Variants in MDN1 observed in about 807,000 individuals in gnomAD.
MDN1 encodes midasin AAA ATPase 1.
Under a neutral mutation model 669.2 loss-of-function variants are expected in MDN1, and 266 were observed. That is an observed-to-expected ratio of 0.40 (90% CI 0.36 to 0.44). The LOEUF is 0.44. Ranked by LOEUF, MDN1 falls within the 20% of genes least tolerant of loss-of-function variation. The pLI is 1.00. For missense variants in MDN1, 5,940 were observed against 6,754.0 expected (o/e 0.88, Z 4.22); for synonymous variants, 2,385 against 2,457.1 (o/e 0.97, Z 0.87).
rs544924806 is a variant in MDN1, at chr6:89,713,912, C to T, written c.7070-616G>A. Among the ~76,000 whole-genome samples, 5 of 151,850 alleles carry T rather than the reference C, an allele frequency of 3.3e-5. No individual in the cohort carries two copies. The East Asian group carries it at 9.7e-4, about 29-fold the overall frequency. ...AATTAGCCGGGCGTGGTGGCAGGTG[C>T]CTGTAGTCCCAGCTACTCGGAGAGG... On this transcript the variant is annotated intron_variant, in intron 46 of 101. Coordinates refer to ENST00000369393, the MANE Select transcript of MDN1 (RefSeq NM_014611.3).
At chr6:89,649,660 T>C (rs1808718609) in intron 97 of MDN1, among the ~76,000 whole-genome samples, 1 of 152,224 alleles carries the variant, frequency 6.6e-6, no homozygotes, top group Non-Finnish European at 1.5e-5. Context: ...CTTTGATTTT[T>C]TTTTTAAGAG....
chr6:89,746,611 A>AAAGAAAGAAAGAAAGAAAG (rs1554191095), intron 27 of MDN1, among the ~76,000 whole-genome samples: 7 of 40,544 alleles, frequency 1.7e-4, no homozygotes, highest in African/African-American at 5.4e-4. Flanking sequence ...AAAAAAAAAA[A>AAAGAAAGAAAGAAAGAAAG]AAAGAAAGAA....
At position 89,678,530 on chromosome 6, in the gene MDN1, T is replaced by C. The variant is rs542888025; in HGVS notation, c.12412+69A>G. 9.1e-6 allele frequency: 14 copies of C among 1,541,884 alleles called. No homozygotes were observed. In the South Asian group the frequency reaches 1.1e-4, roughly 12 times the overall value. Reference sequence around the variant, plus strand: ...ACTGTCTATGGAATTTCCCCCAAAATCAGTCATGTCATTTCTCTCCCTAAA... The same window carrying C: ...ACTGTCTATGGAATTTCCCCCAAAACCAGTCATGTCATTTCTCTCCCTAAA... On this transcript the variant is annotated intron_variant, in intron 75 of 101. Coordinates refer to ENST00000369393, the MANE Select transcript of MDN1 (RefSeq NM_014611.3).
At chr6:89,665,375 T>C (rs553198996) in intron 84 of MDN1, among the ~76,000 whole-genome samples, 1 of 152,160 alleles carries the variant, frequency 6.6e-6, no homozygotes, top group African/African-American at 2.4e-5. Context: ...GGCAAAAAGT[T>C]TTGTGATTGT....
At position 89,794,113 on chromosome 6, in the gene MDN1, G is replaced by T; in HGVS notation, c.649C>A (p.His217Asn). 2 of 1,580,572 alleles carry T rather than the reference G, an allele frequency of 1.3e-6. No homozygotes were observed. Among genetic ancestry groups the T allele is most frequent in the Non-Finnish European group, 1.7e-6 (2 of 1,164,576 alleles). The stretch of plus-strand genomic sequence containing the variant: ...GTTCCTGCTTACCTCAACCTGAAAT[G>T]GATCAATTCATCACTATTAAATATC... The part of the protein sequence containing the change: ...KKIFNSDELI[H>N]FRLRLLEEAQ... Residue 217 changes from histidine (H) to asparagine (N), a missense_variant, in exon 4 of 102, where the codon CAT becomes AAT. This residue lies in a region of MDN1 where 1,203 missense variants were observed against 1,268.9 expected (regional missense o/e 0.95). Coordinates refer to ENST00000369393, the MANE Select transcript of MDN1 (RefSeq NM_014611.3).
At chr6:89,736,902 T>C (rs547559513) in intron 33 of MDN1, among the ~76,000 whole-genome samples, 2 of 152,306 alleles carry the variant, frequency 1.3e-5, no homozygotes, top group East Asian at 3.9e-4. Flanking sequence ...GTTCTGAGGC[T>C]CTGAGCCTGG....
At chr6:89,696,277 A>T in intron 60 of MDN1, 83 bp downstream of exon 60, 1 of 1,409,128 alleles carries the variant, frequency 7.1e-7, no homozygotes, top group Non-Finnish European at 9.9e-7. Context: ...GCCACTACAG[A>T]AGGAAGTTCT....
chr6:89,809,684 G>C (rs1212247874), intron 1 of MDN1, among the ~76,000 whole-genome samples: 1 of 151,650 alleles, frequency 6.6e-6, no homozygotes, highest in Admixed American at 6.6e-5. Flanking sequence ...GCTGAGGCAG[G>C]AGAATCGCTT....
chr6:89,658,747 C>T lies in MDN1; in HGVS notation c.14884G>A (p.Asp4962Asn), dbSNP rs1809510707. ...TGAGCAGCATCTCCATCTTGGTCAT[C>T]AGCTCCTGTGTCCATTTCCTCTTCC... ...EGEEEMDTGADDQDGDAAQHP... is the reference protein window; with the variant it reads ...EGEEEMDTGANDQDGDAAQHP... The change falls in exon 89 of 102, where the codon GAT (aspartate) becomes AAT (asparagine). Residue 4962 changes from aspartate (D) to asparagine (N), a missense_variant. This residue lies in a region of MDN1 where 2,280 missense variants were observed against 2,576.3 expected (regional missense o/e 0.88). Transcript: ENST00000369393. 6.2e-7 allele frequency: 1 copy of T among 1,614,184 alleles called. No homozygotes were observed. The highest frequency in any genetic ancestry group is 8.5e-7 in the Non-Finnish European group (1 of 1,180,030).
rs1809746274 is a variant in MDN1 at position 89,661,318 on chromosome 6, A to G, written c.14713+113T>C. On this transcript the variant is annotated intron_variant, in intron 88 of 101. Transcript: ENST00000369393. ...ATTTTCTCAGACTGGGATTGAGCCTACCAAACGTGATTTATCACCTGGCCA... is the reference window on the plus strand; with the variant it reads ...ATTTTCTCAGACTGGGATTGAGCCTGCCAAACGTGATTTATCACCTGGCCA... 3.2e-6 allele frequency: 4 copies of G among 1,241,922 alleles called. No homozygotes were observed. In the Admixed American group the frequency reaches 6.8e-5, roughly 21 times the overall value. The allele number at this position is 1,241,922 out of a possible 1,614,324, so 76.9% of individuals were successfully genotyped here.
chr6:89,695,670 G>A lies in MDN1; in HGVS notation c.9706C>T (p.Leu3236Phe). The A allele has an allele frequency of 6.2e-7, 1 of 1,613,462 alleles. No homozygotes were observed. Among genetic ancestry groups the A allele is most frequent in the Middle Eastern group, 1.7e-4 (1 of 6,056 alleles). Residue 3236 changes from leucine (L) to phenylalanine (F), a missense_variant, in exon 61 of 102, where the codon CTT (leucine) becomes TTT (phenylalanine). By Grantham distance (22) the Leu-to-Phe change is conservative. This residue lies in a region of MDN1 where 2,292 missense variants were observed against 2,638.3 expected (regional missense o/e 0.87). Coordinates refer to ENST00000369393, the MANE Select transcript of MDN1 (RefSeq NM_014611.3). This position sits in a 1 kb window ranked among gnomAD's most constrained non-coding sequence, Gnocchi z 4.1. ...SLGLLQIQTW[L>F]PQARFDPAVK... ...GCAGGGTCAAAGCGTGCCTGGGGAAGCCATGTCTGAATCTGGAGCAAGCCG... is the reference window on the plus strand; with the variant it reads ...GCAGGGTCAAAGCGTGCCTGGGGAAACCATGTCTGAATCTGGAGCAAGCCG...
intron 19 of MDN1, among the ~76,000 whole-genome samples, chr6:89,757,026 CCCT>C (rs1482632164): frequency 6.6e-6 from 1 of 151,996 alleles, no homozygotes; most frequent in African/African-American, 2.4e-5. Context: ...AAAACAAGCC[CCCT>C]CATCATCAAA....
intron 101 of MDN1, among the ~76,000 whole-genome samples, 176 bp from the exon 102 acceptor site, chr6:89,644,369 T>C (rs768720142): frequency 5.9e-5 from 9 of 151,860 alleles, no homozygotes; most frequent in Admixed American, 5.9e-4. Context: ...AAGAAGGAGG[T>C]AGATGTCTTT....
chr6:89,686,649 C>T (rs186559300), intron 69 of MDN1, among the ~76,000 whole-genome samples: 1 of 152,330 alleles, frequency 6.6e-6, no homozygotes, highest in East Asian at 1.9e-4. Context: ...AAACCTTATC[C>T]TACGACTGGT....
chr6:89,706,322 A>T (rs1813509863), intron 52 of MDN1, 130 bp from the exon 53 acceptor site: 4 of 919,632 alleles, frequency 4.3e-6, no homozygotes, highest in Non-Finnish European at 6.2e-6. Flanking sequence ...TGAGAGCAAA[A>T]GCAAAAGCAA....
intron 57 of MDN1, 128 bp downstream of exon 57, chr6:89,699,935 G>T: frequency 8.8e-7 from 1 of 1,133,046 alleles, no homozygotes; most frequent in Non-Finnish European, 1.2e-6. Flanking sequence ...TTTCCAAAGT[G>T]GCAAATCACT....
intron 1 of MDN1, among the ~76,000 whole-genome samples, chr6:89,809,640 A>G (rs1768247737): frequency 1.3e-5 from 2 of 151,496 alleles, no homozygotes; most frequent in South Asian, 4.2e-4. Context: ...GCCGGGCATT[A>G]TGGCATATAC....
At chr6:89,812,594 ACT>A (rs1396803879) in intron 1 of MDN1, among the ~76,000 whole-genome samples, 2 of 152,154 alleles carry the variant, frequency 1.3e-5, no homozygotes, top group African/African-American at 4.8e-5. Flanking sequence ...AAATTACTAC[ACT>A]GTCATATTCA....
chr6:89,758,881 T>C lies in MDN1; in HGVS notation c.2540A>G (p.Glu847Gly), dbSNP rs1817393664. Residue 847 changes from glutamate (E) to glycine (G), a missense_variant, in exon 18 of 102, where the codon GAA (glutamate) becomes GGA (glycine). Coordinates refer to ENST00000369393, the MANE Select transcript of MDN1 (RefSeq NM_014611.3). The part of the protein sequence containing the change: ...EINLAAPEIL[E>G]CLSGLLEGSS... ...TCCTTCAAGCAAACCACTCAGACAT[T>C]CTAGTATTTCTGGAGCAGCCAAGTT... is the stretch of plus-strand genomic sequence containing the variant. 1 of 1,613,936 alleles carries C rather than the reference T, an allele frequency of 6.2e-7. No homozygotes were observed. Among genetic ancestry groups the C allele is most frequent in the Non-Finnish European group, 8.5e-7 (1 of 1,179,984 alleles).
Sources: allele counts gnomAD v4.1 joint callset (sites outside exome capture counted in the v4.1 genomes callset), GRCh38; gene constraint gnomAD v4.1.1; regional missense constraint gnomAD v4.1.1; non-coding constraint Gnocchi (gnomAD v3.1); transcripts MANE v1.5; gene names NCBI Gene and HGNC (gene_info 2026-07-23, HGNC 2026-07-21).